The following ADGRG1 variants were observed in gnomAD, a reference collection of about 807,000 sequenced individuals.
ADGRG1 encodes 7-transmembrane protein with no EGF-like N-terminal domains-1.
A neutral mutation model predicts 73.5 loss-of-function variants in ADGRG1; 53 were observed. The ratio of observed to expected loss-of-function variants is 0.72; its 90% CI spans 0.58 to 0.91. The LOEUF is 0.91. Ranked by LOEUF, ADGRG1 falls within the 40% of genes least tolerant of loss-of-function variation. The pLI is 0.00. For missense variants in ADGRG1, 795 were observed against 871.8 expected (o/e 0.91, Z 1.11); for synonymous variants, 394 against 374.4 (o/e 1.05, Z -0.60).
At chr16:57,639,811 T>A in intron 1 of ADGRG1, 1 of 863,394 alleles carries the variant, frequency 1.2e-6, no homozygotes, top group Non-Finnish European at 1.4e-6. Context: ...TCCCTTCCCC[T>A]TTATCTTTTT....
chr16:57,661,456 T>A, intron 12 of ADGRG1: 1 of 984,746 alleles, frequency 1.0e-6, no homozygotes. Flanking sequence ...CTTTATGTTG[T>A]GACCCAGTGA....
chr16:57,647,623 G>C, intron 1 of ADGRG1: 1 of 352,248 alleles, frequency 2.8e-6, no homozygotes, highest in Non-Finnish European at 4.0e-6. Flanking sequence ...GCTAGTGAGG[G>C]AGTCAGGATT....
chr16:57,661,770 A>G lies in ADGRG1; in HGVS notation c.1738A>G (p.Met580Val), dbSNP rs746066965. 2.5e-6 allele frequency: 4 copies of G among 1,614,030 alleles called. No homozygotes were observed. The highest frequency in any genetic ancestry group is 3.4e-6 in the Non-Finnish European group (4 of 1,180,032). ...GLFSLVFLFN[M>V]AMLATMVVQI... Reference sequence around the variant, plus strand: ...CTTCAGCCTGGTGTTTCTGTTCAACATGGCCATGCTAGCCACCATGGTGGT... The same window carrying G: ...CTTCAGCCTGGTGTTTCTGTTCAACGTGGCCATGCTAGCCACCATGGTGGT... The change falls in exon 13 of 14, where the codon ATG becomes GTG. Residue 580 changes from methionine (M) to valine (V), a missense_variant. Met to Val is a conservative substitution (Grantham distance 21). Coordinates refer to ENST00000562631, the MANE Select transcript of ADGRG1 (RefSeq NM_201525.4).
intron 3 of ADGRG1, chr16:57,651,841 A>T (rs2044174565): frequency 1.4e-6 from 2 of 1,447,828 alleles, no homozygotes; most frequent in Admixed American, 2.5e-5. Flanking sequence ...CTGTCCCTTG[A>T]TGGTTACTTT....
intron 1 of ADGRG1, among the ~76,000 whole-genome samples, chr16:57,649,405 A>G (rs1009621108): frequency 2.0e-5 from 3 of 152,042 alleles, no homozygotes; most frequent in Non-Finnish European, 4.4e-5. Flanking sequence ...GGAGGAGGCT[A>G]CTGGGGGTGG....
chr16:57,651,072 G>A, intron 2 of ADGRG1, 128 bp from the exon 3 acceptor site: 1 of 1,585,680 alleles, frequency 6.3e-7, no homozygotes, highest in South Asian at 1.1e-5. Context: ...ACACATTTTT[G>A]TAGACCCTTG....
chr16:57,625,579 T>C (rs2035685100), upstream of ADGRG1: 1 of 984,686 alleles, frequency 1.0e-6, no homozygotes, highest in South Asian at 4.7e-5. Flanking sequence ...TCATTGCTGG[T>C]ACAAGTCCCT....
intron 1 of ADGRG1, chr16:57,632,810 C>T (rs1182618278): frequency 2.0e-6 from 2 of 985,300 alleles, no homozygotes; most frequent in Non-Finnish European, 2.4e-6. Flanking sequence ...ACAGGCCTCT[C>T]TGCATTAGTG....
At chr16:57,626,483 G>C (rs1719417286), upstream of ADGRG1, 1 of 485,412 alleles carries the variant, frequency 2.1e-6, no homozygotes, top group Non-Finnish European at 2.7e-6. Context: ...AGAGCTGGGG[G>C]CCTGCTTCCT....
chr16:57,646,730 CAG>C (rs771863918), intron 1 of ADGRG1: 116 of 972,892 alleles, frequency 1.2e-4, no homozygotes, highest in Non-Finnish European at 1.4e-4. Context: ...CGTGTGATCT[CAG>C]AACACACAGC....
intron 1 of ADGRG1, chr16:57,640,271 A>G (rs2040467000): frequency 6.6e-6 from 1 of 152,238 alleles, no homozygotes. Context: ...AGAGTCAGGT[A>G]AGTTCAGGAG....
intron 1 of ADGRG1, among the ~76,000 whole-genome samples, chr16:57,637,060 G>C (rs1356572499): frequency 6.6e-6 from 1 of 152,198 alleles, no homozygotes; most frequent in African/African-American, 2.4e-5. Flanking sequence ...AGACCCTGAG[G>C]TGTGTCTGAG....
chr16:57,652,750 A>G, intron 3 of ADGRG1: 1 of 1,026,976 alleles, frequency 9.7e-7, no homozygotes. Flanking sequence ...GTCCCAGCTA[A>G]TCCCTGGAGA....
chr16:57,649,171 C>T (rs1250898081), intron 1 of ADGRG1, among the ~76,000 whole-genome samples: 1 of 152,212 alleles, frequency 6.6e-6, no homozygotes, highest in East Asian at 1.9e-4. Flanking sequence ...TCCAGATGCT[C>T]TGGACCCTGG....
intron 5 of ADGRG1, 159 bp from the exon 6 acceptor site, chr16:57,655,240 G>T: frequency 1.0e-6 from 1 of 985,436 alleles, no homozygotes. Context: ...GGAAGGGAGG[G>T]ATGAGGAGGG....
chr16:57,657,429 C>T lies in ADGRG1; in HGVS notation c.1224C>T (p.Tyr408=), dbSNP rs752398657. The T allele has an allele frequency of 3.8e-5, 62 of 1,614,100 alleles. No homozygotes were observed. Among genetic ancestry groups the T allele is most frequent in the African/African-American group, 9.3e-5 (7 of 75,050 alleles). ...AGCACTACCTGAGCCTCCTCTCCTA[C>T]GTGGGCTGTGTCGTCTCTGCCCTGG... ...VHKHYLSLLS[Y]VGCVVSALAC... Residue 408 remains tyrosine, a synonymous_variant, in exon 10 of 14, where the codon TAC becomes TAT. Transcript: ENST00000562631.
chr16:57,641,563 TC>T, intron 1 of ADGRG1: 1 of 965,208 alleles, frequency 1.0e-6, no homozygotes, highest in Non-Finnish European at 1.2e-6. Flanking sequence ...ATTCTAAAAG[TC>T]CTTTTTTTTT....
In ADGRG1 at chr16:57,630,310, T is replaced by C. The variant is rs1307076453; in HGVS notation, c.-36+1508T>C. 35 of 949,530 alleles carry C rather than the reference T, an allele frequency of 3.7e-5. No homozygotes were observed. The South Asian group carries it at 7.8e-4, about 21-fold the overall frequency. 58.8% of individuals were successfully genotyped at this position (949,530 alleles called of 1,614,324 possible). On this transcript the variant is annotated intron_variant, in intron 1 of 13. Transcript: ENST00000562631. ...CCCCAGAGCCCAGGCAGGGGTCCTG[T>C]TGGGCTCTTTCCTGCCAATGTCCAG... is the stretch of plus-strand genomic sequence containing the variant.
chr16:57,638,456 G>A (rs1037016835), intron 1 of ADGRG1, among the ~76,000 whole-genome samples: 3 of 152,128 alleles, frequency 2.0e-5, no homozygotes, highest in Admixed American at 6.5e-5. Context: ...TCCCCAGACT[G>A]GCAAAAGAGA....
Sources: gnomAD v4.1 joint callset for allele counts (sites outside exome capture counted in the v4.1 genomes callset) on GRCh38, gnomAD v4.1.1 for gene constraint, MANE v1.5 for transcripts, NCBI Gene and HGNC (gene_info 2026-07-23, HGNC 2026-07-21) for gene names.